TNRC6A: variants seen among roughly 807,000 people sequenced by gnomAD.
TNRC6A encodes the protein trinucleotide repeat containing adaptor 6A, also known as trinucleotide repeat-containing gene 6A protein.
TNRC6A carries 44 observed loss-of-function variants against 221.2 expected under a neutral mutation model. That is an observed-to-expected ratio of 0.20 (90% CI 0.16 to 0.26). The LOEUF (loss-of-function observed/expected upper bound fraction) is 0.26, where lower values mean the gene tolerates loss of function less well. Ranked by LOEUF, TNRC6A falls within the 10% of genes least tolerant of loss-of-function variation. The pLI, the probability that TNRC6A is intolerant of heterozygous loss-of-function variation, is 1.00. For missense variants in TNRC6A, 2,199 were observed against 2,404.4 expected, an observed-to-expected ratio of 0.91 and a Z score of 1.79; for synonymous variants, 847 against 838.5, an observed-to-expected ratio of 1.01 and a Z score of -0.18.
At chr16:24,651,782 A>C (rs1185102073) in intron 2 of TNRC6A, among the ~76,000 whole-genome samples, 1 of 151,546 alleles carries the variant, frequency 6.6e-6, no homozygotes, top group Non-Finnish European at 1.5e-5. Context: ...GCTAAGACAT[A>C]TTACTAGGTG....
chr16:24,651,634 A>T (rs991412414), intron 2 of TNRC6A, among the ~76,000 whole-genome samples: 1 of 151,404 alleles, frequency 6.6e-6, no homozygotes, highest in South Asian at 2.1e-4. Context: ...CATAGTGGGA[A>T]GATCACTTGA....
At chr16:24,728,964 C>G (rs1233292953), upstream of TNRC6A, among the ~76,000 whole-genome samples, 2 of 152,000 alleles carry the variant, frequency 1.3e-5, no homozygotes, top group African/African-American at 4.8e-5. Context: ...GTTTTTGAAG[C>G]CATCTAGTAG....
chr16:24,718,173 A>G (rs1322569520), intron 2 of TNRC6A, among the ~76,000 whole-genome samples: 1 of 152,184 alleles, frequency 6.6e-6, no homozygotes, highest in Non-Finnish European at 1.5e-5. Context: ...AATGCAGCAG[A>G]CAAGTCTCCA....
chr16:24,708,063 A>AC (rs770898651), intron 2 of TNRC6A, among the ~76,000 whole-genome samples: 12 of 90,742 alleles, frequency 1.3e-4, no homozygotes, highest in East Asian at 2.1e-3. Context: ...TGTCAAAAAA[A>AC]AAAAAACACA....
chr16:24,758,314 TTTTG>T (rs558002871), intron 3 of TNRC6A, 21 bp from the exon 4 acceptor site: 228 of 1,599,480 alleles, frequency 1.4e-4, no homozygotes, highest in African/African-American at 2.7e-4. Context: ...TTACATTGTT[TTTTG>T]TTTGTTTGTT....
At chr16:24,821,892 C>T (rs990180225) in intron 22 of TNRC6A, 185 bp from the exon 23 acceptor site, 10 of 596,678 alleles carry the variant, frequency 1.7e-5, no homozygotes, top group Non-Finnish European at 2.7e-5. Flanking sequence ...GCAGAGCCCC[C>T]TGCCATAGGA....
chr16:24,616,676 A>G (rs1900366711), intron 1 of TNRC6A, among the ~76,000 whole-genome samples: 1 of 152,140 alleles, frequency 6.6e-6, no homozygotes, highest in Admixed American at 6.5e-5. Flanking sequence ...CATGCCTGTA[A>G]TCCCAGCACT....
At chr16:24,796,410 A>C in intron 9 of TNRC6A, 2 of 153,550 alleles carry the variant, frequency 1.3e-5, no homozygotes, top group Non-Finnish European at 2.9e-5. Context: ...TGAAATATAA[A>C]TTGGTGCAGA....
intron 2 of TNRC6A, among the ~76,000 whole-genome samples, chr16:24,657,317 C>CAAAAAAAAA (rs56241898): frequency 1.4e-4 from 12 of 88,146 alleles, no homozygotes; most frequent in Non-Finnish European, 2.2e-4. Context: ...GACCCTATCT[C>CAAAAAAAAA]AAAAAAAAAA....
chr16:24,706,553 T>C (rs954942115), intron 2 of TNRC6A, among the ~76,000 whole-genome samples: 2 of 151,652 alleles, frequency 1.3e-5, no homozygotes, highest in African/African-American at 4.8e-5. Context: ...CCACTAAAAA[T>C]ACAAAAAATA....
chr16:24,624,467 C>CGTTT (rs3042537), intron 1 of TNRC6A, among the ~76,000 whole-genome samples: 25,490 of 151,192 alleles, frequency 0.17, 2,252 homozygotes, highest in Non-Finnish European at 0.19. Flanking sequence ...TGCTAAGGAC[C>CGTTT]GTTTGTTTGT....
chr16:24,738,455 C>G (rs1159992539), intron 2 of TNRC6A, among the ~76,000 whole-genome samples: 1 of 152,192 alleles, frequency 6.6e-6, no homozygotes, highest in Non-Finnish European at 1.5e-5. Context: ...CCCCATTTGT[C>G]CCTTCCACCC....
chr16:24,613,075 C>A (rs1371959995), intron 1 of TNRC6A, among the ~76,000 whole-genome samples: 1 of 139,778 alleles, frequency 7.2e-6, no homozygotes, highest in Non-Finnish European at 1.5e-5. Flanking sequence ...GAGATCGCAC[C>A]ATTGCGCTCT....
At chr16:24,761,004 A>G (rs1440858679) in intron 4 of TNRC6A, among the ~76,000 whole-genome samples, 1 of 152,188 alleles carries the variant, frequency 6.6e-6, no homozygotes, top group Non-Finnish European at 1.5e-5. Context: ...GTTATCCTGT[A>G]CATTTTAAAA....
chr16:24,754,114 T>A (rs1161280341), intron 3 of TNRC6A, among the ~76,000 whole-genome samples: 1 of 152,210 alleles, frequency 6.6e-6, no homozygotes, highest in African/African-American at 2.4e-5. Flanking sequence ...ATACCATGAA[T>A]ACAGAAAATG....
At chr16:24,818,972 T>C (rs1167974416) in intron 21 of TNRC6A, among the ~76,000 whole-genome samples, 1 of 151,336 alleles carries the variant, frequency 6.6e-6, no homozygotes. Flanking sequence ...AAACTAGTTC[T>C]CAGACTATCT....
rs2057119491 is a variant in TNRC6A at position 24,750,804 on chromosome 16, T to C, written c.132T>C (p.Ala44=). 1.3e-6 allele frequency: 2 copies of C among 1,555,846 alleles called. No homozygotes were observed. Among genetic ancestry groups the C allele is most frequent in the African/African-American group, 1.4e-5 (1 of 72,236 alleles). The change falls in exon 3 of 25, where the codon GCT becomes GCC. Residue 44 remains alanine (A), a synonymous_variant. Transcript: ENST00000395799. ...ACGACAAGAAAAAGAAGGAAGCTGC[T>C]CAAAAGAAGGTAGTATGTGTGTAAA... is the stretch of plus-strand genomic sequence containing the variant. ...KKDDKKKKEA[A]QKKATEQKIK...
intron 5 of TNRC6A, chr16:24,778,598 A>G (rs2057775419): frequency 1.7e-6 from 1 of 586,142 alleles, no homozygotes; most frequent in African/African-American, 2.0e-5. Flanking sequence ...AACACATCTG[A>G]CCTTCTTTGC....
chr16:24,751,963 G>C (rs562370623), intron 3 of TNRC6A, among the ~76,000 whole-genome samples: 4 of 152,196 alleles, frequency 2.6e-5, no homozygotes, highest in African/African-American at 9.7e-5. Context: ...GAAATACTTG[G>C]TAGCCTGTAT....
Sources: allele counts gnomAD v4.1 joint callset (sites outside exome capture counted in the v4.1 genomes callset), GRCh38; gene constraint gnomAD v4.1.1; transcripts MANE v1.5; gene names NCBI Gene and HGNC (gene_info 2026-07-23, HGNC 2026-07-21).